The following DCLK2 variants were observed in gnomAD, a reference collection of about 807,000 sequenced individuals.
The protein encoded by DCLK2 is doublecortin like kinase 2.
Under a neutral mutation model 78.4 loss-of-function variants are expected in DCLK2, and 31 were observed. The observed-to-expected ratio is 0.40, with a 90% CI of 0.30 to 0.53. The LOEUF (loss-of-function observed/expected upper bound fraction) is 0.53, where lower values mean the gene tolerates loss of function less well. Among genes scored for constraint, DCLK2 ranks in the 20% least tolerant of loss-of-function variants. The probability of loss-of-function intolerance (pLI) is 0.61; values close to 1 mark genes in which losing one functional copy is unlikely to be tolerated. For missense variants in DCLK2, 872 were observed against 973.7 expected (o/e 0.90, Z 1.39); for synonymous variants, 407 against 374.9 (o/e 1.09, Z -0.99).
chr4:150,203,616 T>TG (rs397698344), intron 4 of DCLK2, among the ~76,000 whole-genome samples, 179 bp from the exon 5 acceptor site: 3 of 151,588 alleles, frequency 2.0e-5, no homozygotes, highest in East Asian at 1.9e-4. Context: ...TTTTTTTTTT[T>TG]GTCTGTAATG....
intron 2 of DCLK2, among the ~76,000 whole-genome samples, chr4:150,116,874 G>A (rs1330887909): frequency 6.6e-6 from 1 of 152,160 alleles, no homozygotes; most frequent in Admixed American, 6.5e-5. Context: ...ATGCTGTAAT[G>A]TATTGGCTAT....
At chr4:150,183,035 C>G (rs1263208336) in intron 2 of DCLK2, among the ~76,000 whole-genome samples, 2 of 152,114 alleles carry the variant, frequency 1.3e-5, no homozygotes, top group Admixed American at 1.3e-4. Flanking sequence ...ATAAAAAATG[C>G]TGATCTATTC....
intron 15 of DCLK2, among the ~76,000 whole-genome samples, chr4:150,250,482 C>A (rs1251133634): frequency 6.6e-6 from 1 of 152,048 alleles, no homozygotes; most frequent in Non-Finnish European, 1.5e-5. Flanking sequence ...AGCCAGCCAC[C>A]CAGGCAGGGA....
At chr4:150,093,621 A>G (rs934699150) in intron 1 of DCLK2, among the ~76,000 whole-genome samples, 6 of 152,206 alleles carry the variant, frequency 3.9e-5, no homozygotes, top group Non-Finnish European at 8.8e-5. Context: ...GCCACAAGCA[A>G]TCCACCCACC....
At chr4:150,230,275 T>C (rs1741941223) in intron 8 of DCLK2, among the ~76,000 whole-genome samples, 1 of 152,206 alleles carries the variant, frequency 6.6e-6, no homozygotes, top group African/African-American at 2.4e-5. Flanking sequence ...GTGCCTTTTA[T>C]TGAAAAAGAT....
intron 1 of DCLK2, among the ~76,000 whole-genome samples, chr4:150,084,428 G>A (rs1298404878): frequency 6.6e-6 from 1 of 152,156 alleles, no homozygotes; most frequent in Non-Finnish European, 1.5e-5. Flanking sequence ...AACCATTTTG[G>A]AGGGAATGAC....
chr4:150,116,610 C>T (rs1580532003), intron 2 of DCLK2, among the ~76,000 whole-genome samples: 2 of 152,184 alleles, frequency 1.3e-5, no homozygotes, highest in African/African-American at 4.8e-5. Flanking sequence ...GACTGGTCCT[C>T]AAGTGTCGCA....
At chr4:150,157,156 G>T (rs1580614231) in intron 2 of DCLK2, among the ~76,000 whole-genome samples, 1 of 134,502 alleles carries the variant, frequency 7.4e-6, no homozygotes, top group African/African-American at 2.8e-5. Flanking sequence ...CTGGTTTAGT[G>T]TTTCTCACCT....
Position 150,102,571 on chromosome 4 carries a change from G to A in DCLK2, c.515G>A (p.Gly172Glu). ...NPNWSVNIKGGTSRALAAASS... is the reference protein window; with the variant it reads ...NPNWSVNIKGETSRALAAASS... The stretch of plus-strand genomic sequence containing the variant: ...AACTGGTCTGTGAACATCAAGGGTG[G>A]GACATCCCGAGCGCTGGCTGCTGCC... Residue 172 changes from glycine to glutamate, a missense_variant, in exon 2 of 16, where the codon GGG becomes GAG. Coordinates refer to ENST00000296550, the MANE Select transcript of DCLK2 (RefSeq NM_001040260.4). The A allele has an allele frequency of 6.2e-7, 1 of 1,614,136 alleles. No individual in the cohort carries two copies. Among genetic ancestry groups the A allele is most frequent in the Non-Finnish European group, 8.5e-7 (1 of 1,180,016 alleles).
chr4:150,247,677 A>T lies in DCLK2; in HGVS notation c.1853A>T (p.Asp618Val), dbSNP rs1199313736. 6.2e-7 allele frequency: 1 copy of T among 1,613,912 alleles called. No individual in the cohort carries two copies. The highest frequency in any genetic ancestry group is 8.5e-7 in the Non-Finnish European group (1 of 1,180,000). Reference protein sequence around the residue: ...GKLEFPAPYWDNITDSAKELI... With the variant: ...GKLEFPAPYWVNITDSAKELI... ...CTGGAGTTTCCGGCCCCCTACTGGG[A>T]TAACATCACGGACTCTGCCAAGGTA... The change falls in exon 13 of 16, where the codon GAT (aspartate) becomes GTT (valine). Residue 618 changes from aspartate to valine, a missense_variant. Physicochemically the swap from Asp to Val is radical, Grantham distance 152. This residue lies in a region of DCLK2 where 219 missense variants were observed against 230.1 expected (regional missense o/e 0.95). Coordinates refer to ENST00000296550, the MANE Select transcript of DCLK2 (RefSeq NM_001040260.4).
At chr4:150,154,992 A>G (rs1179705588) in intron 2 of DCLK2, among the ~76,000 whole-genome samples, 1 of 152,170 alleles carries the variant, frequency 6.6e-6, no homozygotes, top group Non-Finnish European at 1.5e-5. Flanking sequence ...GCACTTTGGG[A>G]GGCCTAGGCG....
At chr4:150,132,440 G>A (rs997411141) in intron 2 of DCLK2, among the ~76,000 whole-genome samples, 4 of 152,230 alleles carry the variant, frequency 2.6e-5, no homozygotes, top group African/African-American at 7.2e-5. Context: ...GCAAGCAAAA[G>A]ATTAGAGAGC....
intron 2 of DCLK2, among the ~76,000 whole-genome samples, chr4:150,128,570 T>C (rs371174641): frequency 2.6e-5 from 4 of 152,192 alleles, no homozygotes; most frequent in East Asian, 1.9e-4. Context: ...TCCTGAAAGA[T>C]TGAATGTCCC....
chr4:150,101,819 G>C (rs1730909689), intron 1 of DCLK2, among the ~76,000 whole-genome samples: 1 of 152,134 alleles, frequency 6.6e-6, no homozygotes, highest in Admixed American at 6.5e-5. Flanking sequence ...AGTAGATACA[G>C]AAAAGCGTAT....
intron 12 of DCLK2, among the ~76,000 whole-genome samples, chr4:150,242,500 A>G (rs920020356): frequency 2.6e-5 from 4 of 152,226 alleles, no homozygotes; most frequent in African/African-American, 9.6e-5. Context: ...GTGTGAAACA[A>G]TTGCATGGAT....
intron 1 of DCLK2, among the ~76,000 whole-genome samples, chr4:150,080,111 G>GCCCCC (rs540978992): frequency 0.022 from 2,866 of 128,688 alleles, 244 homozygotes; most frequent in Non-Finnish European, 0.038. Context: ...AGTCTCAAAA[G>GCCCCC]CCCCCCCCCC....
At chr4:150,185,114 A>T (rs1484770149) in intron 2 of DCLK2, among the ~76,000 whole-genome samples, 1 of 152,136 alleles carries the variant, frequency 6.6e-6, no homozygotes, top group African/African-American at 2.4e-5. Flanking sequence ...GGTTTAATTG[A>T]CTCACGGTTC....
At chr4:150,132,787 C>T (rs887330800) in intron 2 of DCLK2, among the ~76,000 whole-genome samples, 3 of 152,062 alleles carry the variant, frequency 2.0e-5, no homozygotes, top group African/African-American at 7.2e-5. Flanking sequence ...GAGACCGTAC[C>T]TGGCTAGTTA....
chr4:150,092,384 C>T lies in DCLK2; in HGVS notation c.422-10094C>T, dbSNP rs77928921. Among the ~76,000 whole-genome samples, 1,305 of 152,196 alleles carry T rather than the reference C, an allele frequency of 8.6e-3. 25 individuals are homozygous for T. The highest frequency in any genetic ancestry group is 0.03 in the African/African-American group (1,240 of 41,520). ...TTTTTAATTTTTTGAGGAACTTTCA[C>T]ACTGTTTCCATAGCAGCCATAACCT... On this transcript the variant is annotated intron_variant, in intron 1 of 15. Transcript: ENST00000296550.
Sources: gnomAD v4.1 joint callset for allele counts (sites outside exome capture counted in the v4.1 genomes callset) on GRCh38, gnomAD v4.1.1 for gene constraint, gnomAD v4.1.1 regional missense constraint, MANE v1.5 for transcripts, NCBI Gene and HGNC (gene_info 2026-07-23, HGNC 2026-07-21) for gene names.